NYAP2: variants seen among roughly 807,000 people sequenced by gnomAD.
The protein encoded by NYAP2 is neuronal tyrosine-phosphorylated phosphoinositide-3-kinase adaptor 2.
A neutral mutation model predicts 50.4 loss-of-function variants in NYAP2; 23 were observed. The ratio of observed to expected loss-of-function variants is 0.46; its 90% CI spans 0.33 to 0.65. The LOEUF (loss-of-function observed/expected upper bound fraction) is 0.65, where lower values mean the gene tolerates loss of function less well. Among genes scored for constraint, NYAP2 ranks in the 30% least tolerant of loss-of-function variants. NYAP2 has a pLI of 0.02. For missense variants in NYAP2, 885 were observed against 861.0 expected (o/e 1.03, Z -0.35); for synonymous variants, 394 against 365.2 (o/e 1.08, Z -0.90).
At chr2:225,630,200 C>T (rs888290628) in intron 6 of NYAP2, among the ~76,000 whole-genome samples, 1 of 152,122 alleles carries the variant, frequency 6.6e-6, no homozygotes, top group Non-Finnish European at 1.5e-5. Context: ...TAGCAAAAGT[C>T]CTGAAGGGCC....
chr2:225,646,951 G>T (rs896442843), intron 6 of NYAP2, among the ~76,000 whole-genome samples: 4 of 152,080 alleles, frequency 2.6e-5, no homozygotes, highest in African/African-American at 7.2e-5. Flanking sequence ...TCTGTGCATT[G>T]GAAATAATGT....
intron 3 of NYAP2, among the ~76,000 whole-genome samples, chr2:225,413,889 G>A (rs1237898985): frequency 6.6e-6 from 1 of 152,120 alleles, no homozygotes; most frequent in Non-Finnish European, 1.5e-5. Context: ...ACCTTGAAAA[G>A]GCATTGATGA....
the NYAP2 span, among the ~76,000 whole-genome samples, chr2:225,661,299 A>G: frequency 6.6e-6 from 1 of 152,210 alleles, no homozygotes; most frequent in Admixed American, 6.5e-5. Flanking sequence ...TGTCTTTGCC[A>G]TGAGTTTTTT....
chr2:225,503,373 T>C (rs942161613), intron 3 of NYAP2, among the ~76,000 whole-genome samples: 4 of 152,236 alleles, frequency 2.6e-5, no homozygotes, highest in African/African-American at 9.6e-5. Flanking sequence ...GAGTCTTATG[T>C]ATAGAAATGA....
chr2:225,500,346 T>C (rs1408063474), intron 3 of NYAP2, among the ~76,000 whole-genome samples: 3 of 152,220 alleles, frequency 2.0e-5, no homozygotes, highest in East Asian at 3.8e-4. Flanking sequence ...TTTGAATTGA[T>C]ATGAAAGATG....
chr2:225,501,266 G>C (rs1314836206), intron 3 of NYAP2, among the ~76,000 whole-genome samples: 1 of 152,176 alleles, frequency 6.6e-6, no homozygotes, highest in African/African-American at 2.4e-5. Context: ...CTAGTCTCCA[G>C]ATCATAAGTG....
chr2:225,620,001 G>A (rs1693061670), intron 5 of NYAP2, among the ~76,000 whole-genome samples: 1 of 152,198 alleles, frequency 6.6e-6, no homozygotes. Context: ...TGCGTTCTAT[G>A]CAGTTGGCAC....
intron 3 of NYAP2, among the ~76,000 whole-genome samples, chr2:225,425,613 T>C (rs961330308): frequency 1.3e-5 from 2 of 152,194 alleles, no homozygotes; most frequent in Non-Finnish European, 2.9e-5. Context: ...TGTTTGAAAA[T>C]GGACTTTTCT....
the NYAP2 span, among the ~76,000 whole-genome samples, chr2:225,697,627 C>T: frequency 7.2e-5 from 11 of 151,756 alleles, no homozygotes; most frequent in Non-Finnish European, 1.5e-4. Context: ...AAAAGTAATT[C>T]CAATAATTGA....
At chr2:225,688,681 C>T in the NYAP2 span, among the ~76,000 whole-genome samples, 2 of 152,178 alleles carry the variant, frequency 1.3e-5, no homozygotes, top group South Asian at 4.1e-4. Flanking sequence ...ATAAAAACCA[C>T]ATCATCTTAT....
At chr2:225,443,997 A>G (rs1689512449) in intron 3 of NYAP2, among the ~76,000 whole-genome samples, 1 of 152,228 alleles carries the variant, frequency 6.6e-6, no homozygotes, top group African/African-American at 2.4e-5. Context: ...CCATGATGGC[A>G]GCTGCTACTT....
intron 3 of NYAP2, among the ~76,000 whole-genome samples, chr2:225,433,958 T>C (rs1689324646): frequency 6.6e-6 from 1 of 152,066 alleles, no homozygotes. Context: ...TGATTTGGAA[T>C]GGCATGTATC....
chr2:225,603,296 A>G (rs940168940), intron 5 of NYAP2, among the ~76,000 whole-genome samples: 1 of 152,206 alleles, frequency 6.6e-6, no homozygotes, highest in South Asian at 2.1e-4. Context: ...AGGTGCTAGC[A>G]TCTTTATTTT....
At chr2:225,593,776 C>G (rs2106237145) in intron 5 of NYAP2, among the ~76,000 whole-genome samples, 1 of 152,242 alleles carries the variant, frequency 6.6e-6, no homozygotes, top group East Asian at 1.9e-4. Context: ...AATAGGCACA[C>G]TTAAGAAGGC....
chr2:225,639,027 A>C (rs1334473555), intron 6 of NYAP2, among the ~76,000 whole-genome samples: 1 of 149,030 alleles, frequency 6.7e-6, no homozygotes, highest in Admixed American at 6.8e-5. Context: ...ACTTTTTGTA[A>C]CTAAAAGAAA....
intron 3 of NYAP2, among the ~76,000 whole-genome samples, chr2:225,488,645 T>C (rs1574639953): frequency 6.6e-6 from 1 of 152,308 alleles, no homozygotes; most frequent in East Asian, 1.9e-4. Flanking sequence ...AGTGCTGGGA[T>C]TATAGGCATA....
At chr2:225,408,436 C>T (rs1474192015) in intron 2 of NYAP2, among the ~76,000 whole-genome samples, 1 of 151,992 alleles carries the variant, frequency 6.6e-6, no homozygotes, top group Non-Finnish European at 1.5e-5. Flanking sequence ...AAAGTTCTTT[C>T]CAAATAATTA....
intron 5 of NYAP2, among the ~76,000 whole-genome samples, chr2:225,620,501 G>GCACACA (rs1169094122): frequency 6.6e-6 from 1 of 150,522 alleles, no homozygotes; most frequent in Admixed American, 6.6e-5. Flanking sequence ...ACACACGCAC[G>GCACACA]CACACACACA....
Position 225,478,199 on chromosome 2 carries a change from G to A in NYAP2, c.222-35172G>A, listed in dbSNP as rs147145764. On this transcript the variant is annotated intron_variant, in intron 3 of 6. Coordinates refer to ENST00000636099, the Ensembl canonical transcript of NYAP2. ...GTCACAAGCTAGGGGTAAGTGGTAAGCACCTATGTCCAAGGGAAGGAAGAA... is the reference window on the plus strand; with the variant it reads ...GTCACAAGCTAGGGGTAAGTGGTAAACACCTATGTCCAAGGGAAGGAAGAA... Among the ~76,000 whole-genome samples the A allele has an allele frequency of 2.7e-4, 41 of 152,272 alleles. No individual in the cohort carries two copies. The East Asian group carries it at 7.2e-3, about 27-fold the overall frequency.
Sources: gnomAD v4.1 joint callset for allele counts (sites outside exome capture counted in the v4.1 genomes callset) on GRCh38, gnomAD v4.1.1 for gene constraint, MANE v1.5 for transcripts, NCBI Gene and HGNC (gene_info 2026-07-23, HGNC 2026-07-21) for gene names.